The following SOD1 variants were observed in gnomAD, a reference collection of about 807,000 sequenced individuals.
SOD1 encodes the protein superoxide dismutase 1.
SOD1 carries 8 observed loss-of-function variants against 15.9 expected under a neutral mutation model. The ratio of observed to expected loss-of-function variants is 0.50; its 90% CI spans 0.30 to 0.91. The LOEUF is 0.91. SOD1 is among the 40% of genes least tolerant of loss of function. The pLI is 0.07. For missense variants in SOD1, 137 were observed against 194.5 expected (o/e 0.70, Z 1.76); for synonymous variants, 86 against 71.2 (o/e 1.21, Z -1.04).
rs2049618449 is a variant in SOD1, at chr21:31,668,513, G to A, written c.400G>A (p.Glu134Lys). 1 of 1,613,980 alleles carries A rather than the reference G, an allele frequency of 6.2e-7. No individual in the cohort carries two copies. Among genetic ancestry groups the A allele is most frequent in the Non-Finnish European group, 8.5e-7 (1 of 1,179,850 alleles). Residue 134 changes from glutamate to lysine, a missense_variant, in exon 5 of 5, where the codon GAA (glutamate) becomes AAA (lysine). Coordinates refer to ENST00000270142, the MANE Select transcript of SOD1 (RefSeq NM_000454.5). ...TGACTTGGGCAAAGGTGGAAATGAA[G>A]AAAGTACAAAGACAGGAAACGCTGG... Reference protein sequence around the residue: ...ADDLGKGGNEESTKTGNAGSR... With the variant: ...ADDLGKGGNEKSTKTGNAGSR...
At position 31,668,473 on chromosome 21, in the gene SOD1, C is replaced by A. The variant is rs1180155915; in HGVS notation, c.360C>A (p.Val120=). 6.2e-7 allele frequency: 1 copy of A among 1,612,824 alleles called. No individual in the cohort carries two copies. Among genetic ancestry groups the A allele is most frequent in the East Asian group, 2.2e-5 (1 of 44,848 alleles). Residue 120 remains valine (V), a splice_region_variant and synonymous_variant, in exon 5 of 5, where the codon GTC becomes GTA. Transcript: ENST00000270142. ...DHCIIGRTLV[V]HEKADDLGKG... is the part of the protein sequence containing the mutation. ...TATCTTCTTAAAATTTTTTACAGGT[C>A]CATGAAAAAGCAGATGACTTGGGCA...
chr21:31,668,522 A>C lies in SOD1; in HGVS notation c.409A>C (p.Lys137Gln). 6.2e-7 allele frequency: 1 copy of C among 1,613,998 alleles called. No individual in the cohort carries two copies. Among genetic ancestry groups the C allele is most frequent in the Non-Finnish European group, 8.5e-7 (1 of 1,179,866 alleles). The change falls in exon 5 of 5, where the codon AAG becomes CAG. Residue 137 changes from lysine to glutamine, a missense_variant. By Grantham distance (53) the Lys-to-Gln change is moderately conservative. Transcript: ENST00000270142. ...LGKGGNEEST[K>Q]TGNAGSRLAC... ...CAAAGGTGGAAATGAAGAAAGTACA[A>C]AGACAGGAAACGCTGGAAGTCGTTT...
At chr21:31,661,855 G>A (rs2123430059) in intron 1 of SOD1, 1 of 152,368 alleles carries the variant, frequency 6.6e-6, no homozygotes, top group African/African-American at 2.4e-5. Flanking sequence ...CAGCTTTCCA[G>A]ATATGCAGAG....
intron 1 of SOD1, among the ~76,000 whole-genome samples, chr21:31,663,097 C>T (rs2049562648): frequency 6.7e-6 from 1 of 149,308 alleles, no homozygotes; most frequent in Non-Finnish European, 1.5e-5. Context: ...CCAGGGTAGC[C>T]TGTTGGACAT....
intron 2 of SOD1, among the ~76,000 whole-genome samples, chr21:31,665,172 T>G (rs1257195049): frequency 2.0e-5 from 3 of 152,140 alleles, no homozygotes; most frequent in African/African-American, 7.2e-5. Context: ...AAAAAAAATT[T>G]TTTTAAAGTA....
At chr21:31,663,974 A>G (rs2049571190) in intron 2 of SOD1, 88 bp downstream of exon 2, 10 of 1,025,576 alleles carry the variant, frequency 9.8e-6, no homozygotes, top group Non-Finnish European at 1.5e-5. Context: ...AAACCCCTCA[A>G]CTTGTTTTTG....
intron 2 of SOD1, among the ~76,000 whole-genome samples, 199 bp from the exon 3 acceptor site, chr21:31,666,250 A>G (rs2049592203): frequency 6.6e-6 from 1 of 152,094 alleles, no homozygotes; most frequent in South Asian, 2.1e-4. Context: ...CTGGGGTTCC[A>G]GGTGTTAGCC....
rs939039763 is a variant in SOD1, at chr21:31,665,387, T to C, written c.170-1062T>C. ...ATTAACTTTATTCATCTTGCTAATT[T>C]AGTTTCAAATAGTGATTTGTAATGA... On this transcript the variant is annotated intron_variant, in intron 2 of 4. Transcript: ENST00000270142. Among the ~76,000 whole-genome samples the C allele has an allele frequency of 3.9e-5, 6 of 152,338 alleles. No individual in the cohort carries two copies. In the South Asian group the frequency reaches 6.2e-4, roughly 16 times the overall value.
chr21:31,663,456 G>C (rs1601156029), intron 1 of SOD1, among the ~76,000 whole-genome samples: 1 of 152,292 alleles, frequency 6.6e-6, no homozygotes, highest in Non-Finnish European at 1.5e-5. Flanking sequence ...AATAGTCAAA[G>C]CCTATGAAGT....
At chr21:31,665,027 A>G (rs746855409) in intron 2 of SOD1, among the ~76,000 whole-genome samples, 2 of 152,130 alleles carry the variant, frequency 1.3e-5, no homozygotes, top group African/African-American at 2.4e-5. Context: ...GCCTCGAGCA[A>G]AGGGGCTGCA....
rs1164844540 is a variant in SOD1 at position 31,659,762 on chromosome 21, A to G, written c.-8A>G. 2.7e-5 allele frequency: 43 copies of G among 1,613,734 alleles called. No homozygotes were observed. Among genetic ancestry groups the G allele is most frequent in the Non-Finnish European group, 3.6e-5 (42 of 1,179,848 alleles). On this transcript the variant is annotated 5_prime_UTR_variant, in exon 1 of 5. Transcript: ENST00000270142. ...CGGAACCAGGACCTCGGCGTGGCCT[A>G]GCGAGTTATGGCGACGAAGGCCGTG...
intron 2 of SOD1, 66 bp downstream of exon 2, chr21:31,663,952 C>T: frequency 1.6e-6 from 2 of 1,228,114 alleles, no homozygotes; most frequent in Non-Finnish European, 2.4e-6. Context: ...GTAGAGTAGC[C>T]CCTAAACGTT....
Position 31,659,712 on chromosome 21 carries a change from C to T in SOD1, c.-58C>T, listed in dbSNP as rs906695375. ...TGGTTTGCGTCGTAGTCTCCTGCAGCGTCTGGGGTTTCCGTTGCAGTCCTC... is the reference window on the plus strand; with the variant it reads ...TGGTTTGCGTCGTAGTCTCCTGCAGTGTCTGGGGTTTCCGTTGCAGTCCTC... On this transcript the variant is annotated 5_prime_UTR_variant, in exon 1 of 5. Coordinates refer to ENST00000270142, the MANE Select transcript of SOD1 (RefSeq NM_000454.5). 49 of 1,564,634 alleles carry T rather than the reference C, an allele frequency of 3.1e-5. No homozygotes were observed. The highest frequency in any genetic ancestry group is 1.7e-4 in the Middle Eastern group (1 of 5,980).
chr21:31,665,188 A>T (rs999429446), intron 2 of SOD1, among the ~76,000 whole-genome samples: 3 of 152,284 alleles, frequency 2.0e-5, no homozygotes, highest in South Asian at 2.1e-4. Flanking sequence ...AAGTATTTTT[A>T]AAAAATCAGG....
In SOD1 at chr21:31,667,252, TATTAGGCATGTTGGAG is replaced by T; in HGVS notation, c.240-4_251del. On this transcript the variant is annotated splice_acceptor_variant and splice_polypyrimidine_tract_variant and coding_sequence_variant and intron_variant, in exon 4 of 5. Coordinates refer to ENST00000270142, the MANE Select transcript of SOD1 (RefSeq NM_000454.5). LOFTEE classifies it high-confidence loss of function. ...CCTAATCCATCTGATGCTTTTTCAT[TATTAGGCATGTTGGAG>T]ACTTGGGCAATGTGACTGCTGACAA... The T allele has an allele frequency of 2.5e-6, 4 of 1,606,358 alleles. No individual in the cohort carries two copies. Among genetic ancestry groups the T allele is most frequent in the Non-Finnish European group, 3.4e-6 (4 of 1,173,004 alleles).
At chr21:31,664,905 C>T (rs865975984) in intron 2 of SOD1, among the ~76,000 whole-genome samples, 2 of 151,698 alleles carry the variant, frequency 1.3e-5, no homozygotes, top group South Asian at 2.1e-4. Context: ...CATGAGCCAC[C>T]GCACCCAGCC....
intron 4 of SOD1, among the ~76,000 whole-genome samples, chr21:31,668,259 C>G (rs1967863463): frequency 6.6e-6 from 1 of 151,988 alleles, no homozygotes; most frequent in Non-Finnish European, 1.5e-5. Context: ...GCAACACTTA[C>G]CTAATGTTTA....
intron 3 of SOD1, 165 bp downstream of exon 3, chr21:31,666,683 CTTCCTGG>C (rs2049596234): frequency 5.9e-6 from 4 of 679,404 alleles, no homozygotes; most frequent in African/African-American, 5.3e-5. Flanking sequence ...AATGCTTTTA[CTTCCTGG>C]GCTTAAAGGA....
intron 1 of SOD1, among the ~76,000 whole-genome samples, chr21:31,663,523 A>C (rs906560821): frequency 6.6e-6 from 1 of 152,192 alleles, no homozygotes; most frequent in African/African-American, 2.4e-5. Context: ...GGTGCTTTTT[A>C]TGTTATTTAA....
Sources: allele counts gnomAD v4.1 joint callset (sites outside exome capture counted in the v4.1 genomes callset), GRCh38; gene constraint gnomAD v4.1.1; transcripts MANE v1.5; gene names NCBI Gene and HGNC (gene_info 2026-07-23, HGNC 2026-07-21).